FAM53B: variants seen among roughly 807,000 people sequenced by gnomAD.
The protein encoded by FAM53B is protein FAM53B.
Under a neutral mutation model 32.7 loss-of-function variants are expected in FAM53B, and 12 were observed. The observed-to-expected ratio is 0.37, with a 90% CI of 0.24 to 0.59. FAM53B has a LOEUF of 0.59. FAM53B is among the 20% of genes least tolerant of loss of function. FAM53B has a pLI of 0.72. For synonymous variants in FAM53B, 234 were observed against 228.7 expected (o/e 1.02, Z -0.21); for missense variants, 477 against 577.7 (o/e 0.83, Z 1.79).
At chr10:124,667,350 T>G (rs1387929594) in intron 4 of FAM53B, 1 of 741,302 alleles carries the variant, frequency 1.3e-6, no homozygotes, top group Non-Finnish European at 2.5e-6. Flanking sequence ...CTGGTTTCAC[T>G]GGACTGCTTC....
intron 4 of FAM53B, among the ~76,000 whole-genome samples, chr10:124,658,221 G>A (rs913659416): frequency 6.6e-6 from 1 of 152,202 alleles, no homozygotes; most frequent in Non-Finnish European, 1.5e-5. Flanking sequence ...GGTGTGCTTG[G>A]GGATAGGGAT....
At chr10:124,654,562 G>A (rs546184634) in intron 4 of FAM53B, among the ~76,000 whole-genome samples, 11 of 152,312 alleles carry the variant, frequency 7.2e-5, no homozygotes, top group South Asian at 2.1e-4. Context: ...GGCAGAATCC[G>A]CCTCTGATTC....
intron 1 of FAM53B, among the ~76,000 whole-genome samples, chr10:124,728,581 C>G (rs1047376107): frequency 2.0e-5 from 3 of 152,232 alleles, no homozygotes; most frequent in Non-Finnish European, 2.9e-5. Flanking sequence ...AAGAGAACAG[C>G]TGCTTCCTCA....
chr10:124,640,067 C>T (rs1949460653), intron 4 of FAM53B, among the ~76,000 whole-genome samples: 1 of 152,178 alleles, frequency 6.6e-6, no homozygotes, highest in Non-Finnish European at 1.5e-5. Context: ...CCCTAGGAAC[C>T]CCCAGCAAGC....
chr10:124,643,196 G>T (rs1949488220), intron 4 of FAM53B, among the ~76,000 whole-genome samples: 1 of 152,238 alleles, frequency 6.6e-6, no homozygotes, highest in Admixed American at 6.5e-5. Flanking sequence ...GGTTAAGGGA[G>T]AATCACAGAA....
chr10:124,725,469 A>C lies in FAM53B; in HGVS notation c.-175+18544T>G, dbSNP rs562567761. 2.6e-5 allele frequency among the ~76,000 whole-genome samples: 4 copies of C among 152,382 alleles called. No individual in the cohort carries two copies. In the South Asian group the frequency reaches 8.3e-4, roughly 32 times the overall value. On this transcript the variant is annotated intron_variant, in intron 1 of 4. Coordinates refer to ENST00000337318, the MANE Select transcript of FAM53B (RefSeq NM_014661.4). ...AGGGCACCTGAAACAAAGGGCGCCC[A>C]GCCTTGGACTGACGGCAGTGAGTGG...
chr10:124,707,141 C>T (rs562442514), intron 1 of FAM53B, among the ~76,000 whole-genome samples: 2 of 152,248 alleles, frequency 1.3e-5, no homozygotes, highest in East Asian at 1.9e-4. Flanking sequence ...GGGGTCCAGC[C>T]GCATGATACC....
chr10:124,647,016 C>T (rs964661930), intron 4 of FAM53B, among the ~76,000 whole-genome samples: 35 of 152,012 alleles, frequency 2.3e-4, no homozygotes, highest in Non-Finnish European at 4.0e-4. Flanking sequence ...GCGATGGGAA[C>T]TGGGAGCAGA....
chr10:124,712,190 A>C (rs939084156), intron 1 of FAM53B, among the ~76,000 whole-genome samples: 3 of 152,074 alleles, frequency 2.0e-5, no homozygotes, highest in African/African-American at 7.2e-5. Flanking sequence ...CCCCAACTCT[A>C]CTAAAAAATG....
chr10:124,696,560 TG>T (rs1038749674), intron 2 of FAM53B, among the ~76,000 whole-genome samples: 9 of 152,076 alleles, frequency 5.9e-5, no homozygotes, highest in African/African-American at 1.9e-4. Flanking sequence ...TTCCCTGAGC[TG>T]GGCTGAGAAG....
chr10:124,718,343 G>A (rs1174353538), intron 1 of FAM53B, among the ~76,000 whole-genome samples: 2 of 152,092 alleles, frequency 1.3e-5, no homozygotes, highest in Admixed American at 1.3e-4. Context: ...AACCTACAGG[G>A]TCTGTTGTAG....
intron 4 of FAM53B, among the ~76,000 whole-genome samples, chr10:124,652,023 CATACCTGGAGA>C (rs1258809324): frequency 6.6e-6 from 1 of 152,206 alleles, no homozygotes; most frequent in Middle Eastern, 3.2e-3. Flanking sequence ...TTCCAAAGGG[CATACCTGGAGA>C]ATTTCAAAGC....
At chr10:124,702,014 GCTC>G (rs761351099) in intron 2 of FAM53B, among the ~76,000 whole-genome samples, 2 of 152,182 alleles carry the variant, frequency 1.3e-5, no homozygotes, top group South Asian at 4.1e-4. Context: ...TTGGCCACGA[GCTC>G]CTCCTCCAGT....
chr10:124,715,444 C>G, intron 1 of FAM53B, among the ~76,000 whole-genome samples: 1 of 152,186 alleles, frequency 6.6e-6, no homozygotes, highest in East Asian at 1.9e-4. Context: ...GCAACCCCAG[C>G]TGGAACCTGT....
At chr10:124,636,785 GAC>G (rs772222783) in intron 4 of FAM53B, among the ~76,000 whole-genome samples, 8 of 151,924 alleles carry the variant, frequency 5.3e-5, no homozygotes, top group Admixed American at 2.6e-4. Context: ...GTGGCCGCAG[GAC>G]ACACAGAACA....
Position 124,681,727 on chromosome 10 carries a change from G to T in FAM53B, c.786C>A (p.Gly262=). Residue 262 remains glycine (G), a synonymous_variant, in exon 4 of 5, where the codon GGC becomes GGA. Transcript: ENST00000337318. ...ACGGCTGGGAGCGGCTGCGGGAAAG[G>T]CCGCTGGAGCGTCTCGCCAGCTCTG... ...STPELARRSS[G]LSRSRSQPCV... 6.2e-7 allele frequency: 1 copy of T among 1,610,704 alleles called. No individual in the cohort carries two copies. Among genetic ancestry groups the T allele is most frequent in the Non-Finnish European group, 8.5e-7 (1 of 1,178,610 alleles).
At chr10:124,628,758 G>A (rs1949371857) in intron 4 of FAM53B, among the ~76,000 whole-genome samples, 1 of 152,186 alleles carries the variant, frequency 6.6e-6, no homozygotes, top group South Asian at 2.1e-4. Flanking sequence ...TCCCTTTGGG[G>A]TCACCCCCAG....
intron 4 of FAM53B, among the ~76,000 whole-genome samples, chr10:124,646,665 T>G (rs984571608): frequency 2.6e-5 from 4 of 152,180 alleles, no homozygotes; most frequent in Admixed American, 6.5e-5. Context: ...CCCAGTCTCC[T>G]CCTGCTGCTG....
chr10:124,670,878 G>A (rs1275537823), intron 4 of FAM53B, among the ~76,000 whole-genome samples: 2 of 152,202 alleles, frequency 1.3e-5, no homozygotes, highest in Non-Finnish European at 2.9e-5. Context: ...GCCTGTTGTA[G>A]GCCTGAATGA....
Sources: gnomAD v4.1 joint callset for allele counts (sites outside exome capture counted in the v4.1 genomes callset) on GRCh38, gnomAD v4.1.1 for gene constraint, MANE v1.5 for transcripts, NCBI Gene and HGNC (gene_info 2026-07-23, HGNC 2026-07-21) for gene names.